LUZP2: variants seen among roughly 807,000 people sequenced by gnomAD.
The protein encoded by LUZP2 is leucine zipper protein 2.
LUZP2 carries 52 observed loss-of-function variants against 51.6 expected under a neutral mutation model. That is an observed-to-expected ratio of 1.01 (90% CI 0.81 to 1.27). The LOEUF is 1.27. Ranked by LOEUF, LUZP2 falls within the 50% of genes most tolerant of loss-of-function variation. The probability of loss-of-function intolerance (pLI) is 0.00; values close to 1 mark genes in which losing one functional copy is unlikely to be tolerated. For missense variants in LUZP2, 436 were observed against 395.4 expected (o/e 1.10, Z -0.87); for synonymous variants, 154 against 137.3 (o/e 1.12, Z -0.85).
At chr11:24,664,596 C>G (rs1001292848) in intron 1 of LUZP2, among the ~76,000 whole-genome samples, 7 of 152,072 alleles carry the variant, frequency 4.6e-5, no homozygotes, top group Non-Finnish European at 8.8e-5. Context: ...TGGGCTGGTC[C>G]CAGGAACCCC....
chr11:24,953,468 C>A (rs10767280), intron 7 of LUZP2, among the ~76,000 whole-genome samples: 75,766 of 151,630 alleles, frequency 0.5, 19,308 homozygotes, highest in Non-Finnish European at 0.52. Flanking sequence ...TAATAAACCA[C>A]CAATTTCTGT....
At chr11:24,914,354 A>C in intron 6 of LUZP2, 122 bp from the exon 7 acceptor site, 1 of 708,238 alleles carries the variant, frequency 1.4e-6, no homozygotes, top group Non-Finnish European at 2.4e-6. Context: ...TTACTTCTAA[A>C]CTGGTTGGAC....
intron 9 of LUZP2, among the ~76,000 whole-genome samples, chr11:24,990,459 G>A (rs1339032322): frequency 2.0e-5 from 3 of 152,060 alleles, no homozygotes; most frequent in East Asian, 1.9e-4. Context: ...CACTGATGGG[G>A]AAAATATATG....
intron 1 of LUZP2, among the ~76,000 whole-genome samples, chr11:24,612,256 T>C (rs939827929): frequency 6.6e-6 from 1 of 152,156 alleles, no homozygotes; most frequent in African/African-American, 2.4e-5. Context: ...GGGGTCACTA[T>C]CAGAGATAGA....
At chr11:25,051,009 A>G (rs1028539198) in intron 10 of LUZP2, among the ~76,000 whole-genome samples, 1 of 152,210 alleles carries the variant, frequency 6.6e-6, no homozygotes, top group South Asian at 2.1e-4. Context: ...ACAGCAAATG[A>G]CAACAATTGT....
intron 5 of LUZP2, among the ~76,000 whole-genome samples, chr11:24,782,840 G>C (rs1849132036): frequency 6.6e-6 from 1 of 151,934 alleles, no homozygotes; most frequent in Non-Finnish European, 1.5e-5. Context: ...ACTTCTTAAT[G>C]ACAAGCCTTT....
At chr11:24,667,738 C>T (rs9919580) in intron 1 of LUZP2, among the ~76,000 whole-genome samples, 5,506 of 152,090 alleles carry the variant, frequency 0.036, 328 homozygotes, top group African/African-American at 0.12. Context: ...TAAAATATAC[C>T]ATCTGGGTAA....
At chr11:24,826,190 A>AAAAAAAAATATATATATATATATAT (rs1215786412) in intron 5 of LUZP2, among the ~76,000 whole-genome samples, 2 of 67,546 alleles carry the variant, frequency 3.0e-5, no homozygotes, top group African/African-American at 1.2e-4. Context: ...AAAAAAAAAA[A>AAAAAAAAATATATATATATATATAT]ATATATATAT....
intron 1 of LUZP2, among the ~76,000 whole-genome samples, chr11:24,504,364 T>C (rs1336886032): frequency 6.6e-6 from 1 of 152,202 alleles, no homozygotes; most frequent in African/African-American, 2.4e-5. Context: ...TACACTGTCG[T>C]CACAGTTTGT....
intron 5 of LUZP2, among the ~76,000 whole-genome samples, chr11:24,803,676 C>A (rs1016247608): frequency 1.3e-5 from 2 of 151,928 alleles, no homozygotes; most frequent in Non-Finnish European, 2.9e-5. Flanking sequence ...TGACATATGC[C>A]ACGACATGAT....
chr11:25,001,622 A>T (rs1413908724), intron 9 of LUZP2, among the ~76,000 whole-genome samples: 1 of 152,214 alleles, frequency 6.6e-6, no homozygotes, highest in African/African-American at 2.4e-5. Context: ...ATTATCAATT[A>T]TAGGTTTTAA....
intron 1 of LUZP2, among the ~76,000 whole-genome samples, chr11:24,646,405 C>A (rs1855463799): frequency 6.6e-6 from 1 of 152,002 alleles, no homozygotes; most frequent in Admixed American, 6.6e-5. Context: ...CTTACTTAAA[C>A]AAGAAGTCAG....
intron 7 of LUZP2, among the ~76,000 whole-genome samples, chr11:24,940,006 A>T (rs528974772): frequency 6.6e-6 from 1 of 150,558 alleles, no homozygotes; most frequent in East Asian, 1.9e-4. Flanking sequence ...CAGCAGGTCC[A>T]CTGGTTCTGG....
intron 1 of LUZP2, among the ~76,000 whole-genome samples, chr11:24,649,343 T>G (rs1565052450): frequency 6.6e-6 from 1 of 151,966 alleles, no homozygotes; most frequent in African/African-American, 2.4e-5. Flanking sequence ...GGGTGATTTT[T>G]ATTTATGCTG....
chr11:24,755,017 G>A (rs1859721234), intron 4 of LUZP2, among the ~76,000 whole-genome samples: 1 of 151,752 alleles, frequency 6.6e-6, no homozygotes, highest in Non-Finnish European at 1.5e-5. Context: ...ATAGTGGCGG[G>A]GCTTGTAATC....
chr11:24,795,915 G>A (rs1849534246), intron 5 of LUZP2, among the ~76,000 whole-genome samples: 1 of 152,030 alleles, frequency 6.6e-6, no homozygotes, highest in Non-Finnish European at 1.5e-5. Context: ...TTGTTTCAGT[G>A]ACTGCAAGTG....
rs1460570577 is a variant in LUZP2, at chr11:24,828,342, G to A, written c.396+65034G>A. ...AATGTTCAAAGACACAAGCAACTTA[G>A]AGCCTACTTTAGATAGTTTAAATCT... On this transcript the variant is annotated intron_variant, in intron 5 of 11. Coordinates refer to ENST00000336930, the MANE Select transcript of LUZP2 (RefSeq NM_001009909.4). Among the ~76,000 whole-genome samples the A allele has an allele frequency of 2.0e-5, 3 of 152,064 alleles. No homozygotes were observed. The East Asian group carries it at 5.8e-4, about 29-fold the overall frequency.
intron 4 of LUZP2, among the ~76,000 whole-genome samples, chr11:24,762,431 A>T (rs1860015486): frequency 6.6e-6 from 1 of 152,180 alleles, no homozygotes; most frequent in Admixed American, 6.5e-5. Flanking sequence ...AATATTTTGA[A>T]TATATCAAAT....
chr11:24,924,845 A>T (rs969222611), intron 7 of LUZP2, among the ~76,000 whole-genome samples: 1 of 152,172 alleles, frequency 6.6e-6, no homozygotes, highest in Non-Finnish European at 1.5e-5. Flanking sequence ...AAAGACCTGG[A>T]ATCAACAGAA....
Sources: allele counts gnomAD v4.1 joint callset (sites outside exome capture counted in the v4.1 genomes callset), GRCh38; gene constraint gnomAD v4.1.1; transcripts MANE v1.5; gene names NCBI Gene and HGNC (gene_info 2026-07-23, HGNC 2026-07-21).